The following B3GLCT variants were observed in gnomAD, a reference collection of about 807,000 sequenced individuals.
The protein encoded by B3GLCT is beta-1,3-glucosyltransferase.
In B3GLCT, 65 loss-of-function variants were observed where a neutral mutation model predicts 63.4. The observed-to-expected ratio is 1.03, with a 90% CI of 0.84 to 1.26. The LOEUF is 1.26. B3GLCT is among the 50% of genes most tolerant of loss of function. The probability of loss-of-function intolerance (pLI) is 0.00; values close to 1 mark genes in which losing one functional copy is unlikely to be tolerated. For synonymous variants in B3GLCT, 233 were observed against 219.2 expected, an observed-to-expected ratio of 1.06 and a Z score of -0.55; for missense variants, 577 against 604.8, an observed-to-expected ratio of 0.95 and a Z score of 0.48.
intron 3 of B3GLCT, among the ~76,000 whole-genome samples, chr13:31,225,820 G>A (rs1282688063): frequency 6.6e-6 from 1 of 152,078 alleles, no homozygotes; most frequent in Non-Finnish European, 1.5e-5. Flanking sequence ...CCACTGCCTG[G>A]GACCCCACTT....
At chr13:31,217,972 T>C (rs1299882084) in intron 2 of B3GLCT, among the ~76,000 whole-genome samples, 3 of 152,188 alleles carry the variant, frequency 2.0e-5, no homozygotes, top group Non-Finnish European at 4.4e-5. Context: ...AAAAATGTCA[T>C]TGGTAGTTTG....
chr13:31,328,427 C>G (rs1024332306), intron 14 of B3GLCT, among the ~76,000 whole-genome samples: 1 of 152,092 alleles, frequency 6.6e-6, no homozygotes, highest in Non-Finnish European at 1.5e-5. Context: ...GGCAAAGTGG[C>G]TCACGCCTGC....
chr13:31,322,588 T>C (rs538134362), intron 13 of B3GLCT, among the ~76,000 whole-genome samples: 1 of 152,216 alleles, frequency 6.6e-6, no homozygotes, highest in African/African-American at 2.4e-5. Context: ...ACAAGTGTTA[T>C]TAACGGCTCA....
chr13:31,300,622 C>A (rs1874176082), intron 12 of B3GLCT, among the ~76,000 whole-genome samples: 1 of 152,118 alleles, frequency 6.6e-6, no homozygotes, highest in South Asian at 2.1e-4. Flanking sequence ...TACAATGAAT[C>A]TGGCTTTGGT....
intron 6 of B3GLCT, among the ~76,000 whole-genome samples, chr13:31,259,228 C>T (rs768937665): frequency 1.1e-4 from 17 of 152,194 alleles, no homozygotes; most frequent in Non-Finnish European, 1.6e-4. Flanking sequence ...TTTATCTGTG[C>T]ATCTCCTTCT....
chr13:31,330,107 T>C lies in B3GLCT; in HGVS notation c.*439T>C, dbSNP rs138331880. Reference sequence around the variant, plus strand: ...AAAGAAGACTGAAAGTCTTTTGACATGGATATTGTGAATGGTATGAACTTT... The same window carrying C: ...AAAGAAGACTGAAAGTCTTTTGACACGGATATTGTGAATGGTATGAACTTT... On this transcript the variant is annotated 3_prime_UTR_variant, in exon 15 of 15. Transcript: ENST00000343307. 497 of 201,674 alleles carry C rather than the reference T, an allele frequency of 2.5e-3. 2 individuals carry two copies. The highest frequency in any genetic ancestry group is 3.8e-3 in the Non-Finnish European group (374 of 97,852). The allele number at this position is 201,674 out of a possible 1,614,324, so 12.5% of individuals were successfully genotyped here.
intron 12 of B3GLCT, among the ~76,000 whole-genome samples, chr13:31,299,180 T>C (rs1874102235): frequency 6.6e-6 from 1 of 152,204 alleles, no homozygotes; most frequent in Non-Finnish European, 1.5e-5. Flanking sequence ...CCCACTCATG[T>C]TGAGTATGAG....
At position 31,314,724 on chromosome 13, in the gene B3GLCT, A is replaced by T. The variant is rs558713278; in HGVS notation, c.1065-2842A>T. On this transcript the variant is annotated intron_variant, in intron 12 of 14. Coordinates refer to ENST00000343307, the MANE Select transcript of B3GLCT (RefSeq NM_194318.4). ...GTTAAGACTTTTGGGGACTGTTGGG[A>T]AAGCATGATTGGTTTTGAAATGTGA... 4.6e-5 allele frequency among the ~76,000 whole-genome samples: 7 copies of T among 152,288 alleles called. No individual in the cohort carries two copies. In the South Asian group the frequency reaches 1.4e-3, roughly 32 times the overall value.
intron 1 of B3GLCT, 135 bp from the exon 2 acceptor site, chr13:31,214,916 T>C (rs1190251345): frequency 1.4e-5 from 11 of 786,968 alleles, no homozygotes; most frequent in Non-Finnish European, 2.2e-5. Context: ...TTTGCAGCAA[T>C]GCAGCTGCTT....
At chr13:31,274,724 C>T (rs1191585276) in intron 9 of B3GLCT, 96 bp downstream of exon 9, 26 of 1,489,254 alleles carry the variant, frequency 1.7e-5, no homozygotes, top group Non-Finnish European at 2.2e-5. Flanking sequence ...ATTTTAAATT[C>T]AGGGCATTCA....
chr13:31,329,377 T>G, intron 14 of B3GLCT, 124 bp from the exon 15 acceptor site: 1 of 1,138,336 alleles, frequency 8.8e-7, no homozygotes, highest in Non-Finnish European at 1.3e-6. Context: ...CTTTTTGCTT[T>G]TAGATTCCTA....
intron 1 of B3GLCT, among the ~76,000 whole-genome samples, chr13:31,213,608 A>C (rs1032058220): frequency 0.12 from 6,292 of 50,576 alleles, 1 homozygote; most frequent in Admixed American, 0.15. Flanking sequence ...ACAAAACAAC[A>C]CCCCCCCACC....
rs114425388 is a variant in B3GLCT, at chr13:31,317,605, C to T, written c.1104C>T (p.Ser368=). 285 of 1,614,032 alleles carry T rather than the reference C, an allele frequency of 1.8e-4. 2 individuals carry two copies. Among genetic ancestry groups the T allele is most frequent in the Middle Eastern group, 4.9e-4 (3 of 6,062 alleles). ...AGCACTTGCTTAGCTGTTATGACTC[C>T]GGCGAGCCTGTGTTTCTGGGAGAGC... ...RLQHLLSCYD[S]GEPVFLGERY... is the part of the protein sequence containing the mutation. The change falls in exon 13 of 15, where the codon TCC becomes TCT. Residue 368 remains serine (S), a synonymous_variant. Coordinates refer to ENST00000343307, the MANE Select transcript of B3GLCT (RefSeq NM_194318.4).
chr13:31,204,986 AT>A (rs1868872060), intron 1 of B3GLCT, among the ~76,000 whole-genome samples: 1 of 152,242 alleles, frequency 6.6e-6, no homozygotes, highest in Non-Finnish European at 1.5e-5. Flanking sequence ...TTTATTAAGT[AT>A]AATGAATTTT....
chr13:31,209,817 G>A (rs1869166159), intron 1 of B3GLCT, among the ~76,000 whole-genome samples: 1 of 152,208 alleles, frequency 6.6e-6, no homozygotes, highest in African/African-American at 2.4e-5. Context: ...TTATTTGGCA[G>A]CTTAGTGGTT....
At chr13:31,219,507 G>T (rs1869718186) in intron 2 of B3GLCT, among the ~76,000 whole-genome samples, 1 of 152,134 alleles carries the variant, frequency 6.6e-6, no homozygotes, top group African/African-American at 2.4e-5. Context: ...CAAAGTCCTT[G>T]TGACTTTGAG....
At chr13:31,280,556 G>A (rs7990820) in intron 10 of B3GLCT, among the ~76,000 whole-genome samples, 32,622 of 152,052 alleles carry the variant, frequency 0.21, 3,501 homozygotes, top group Non-Finnish European at 0.22. Flanking sequence ...ATTATATGTT[G>A]GTTACCTTCT....
In B3GLCT at chr13:31,214,946, C is replaced by T. The variant is rs1020929999; in HGVS notation, c.71-105C>T. 1.4e-5 allele frequency: 16 copies of T among 1,126,438 alleles called. No homozygotes were observed. In the African/African-American group the frequency reaches 2.4e-4, roughly 17 times the overall value. 69.8% of individuals were successfully genotyped at this position (1,126,438 alleles called of 1,614,324 possible). ...CTGCTTAAAAATGAGCAAAATATGTCTTGTTAAAGTATCTTTTTTTATTAT... is the reference window on the plus strand; with the variant it reads ...CTGCTTAAAAATGAGCAAAATATGTTTTGTTAAAGTATCTTTTTTTATTAT... On this transcript the variant is annotated intron_variant, in intron 1 of 14. Transcript: ENST00000343307.
At chr13:31,286,005 A>G (rs1873313168) in intron 11 of B3GLCT, among the ~76,000 whole-genome samples, 1 of 152,202 alleles carries the variant, frequency 6.6e-6, no homozygotes, top group East Asian at 1.9e-4. Flanking sequence ...GAGTGGTTTA[A>G]TAGTCATTAA....
Sources: gnomAD v4.1 joint callset for allele counts (sites outside exome capture counted in the v4.1 genomes callset) on GRCh38, gnomAD v4.1.1 for gene constraint, MANE v1.5 for transcripts, NCBI Gene and HGNC (gene_info 2026-07-23, HGNC 2026-07-21) for gene names.